The following COL22A1 variants were observed in gnomAD, a reference collection of about 807,000 sequenced individuals.
COL22A1 encodes the protein collagen alpha-1(XXII) chain.
Under a neutral mutation model 248.9 loss-of-function variants are expected in COL22A1, and 221 were observed. The observed-to-expected ratio is 0.89, with a 90% CI of 0.80 to 0.99. COL22A1 has a LOEUF of 0.99. COL22A1 is among the 50% of genes least tolerant of loss of function. The pLI, the probability that COL22A1 is intolerant of heterozygous loss-of-function variation, is 0.00. For missense variants in COL22A1, 2,240 were observed against 2,179.0 expected (o/e 1.03, Z -0.56); for synonymous variants, 891 against 793.4 (o/e 1.12, Z -2.07).
At chr8:138,743,468 ATGATGG>A (rs897064528) in intron 22 of COL22A1, among the ~76,000 whole-genome samples, 17 of 120,576 alleles carry the variant, frequency 1.4e-4, no homozygotes, top group East Asian at 1.3e-3. Context: ...TTTGGTGGTA[ATGATGG>A]TGATGGTGAT....
intron 44 of COL22A1, 24 bp from the exon 45 acceptor site, chr8:138,655,968 C>A (rs777672132): frequency 6.3e-7 from 1 of 1,574,956 alleles, no homozygotes; most frequent in Non-Finnish European, 8.7e-7. Flanking sequence ...AAGAAACAAA[C>A]ACATACGTAC....
At chr8:138,625,360 G>A (rs936428997) in intron 51 of COL22A1, among the ~76,000 whole-genome samples, 2 of 152,098 alleles carry the variant, frequency 1.3e-5, no homozygotes, top group Non-Finnish European at 2.9e-5. Context: ...AACAAAAGAA[G>A]GCACAGTGGA....
At chr8:138,805,123 G>A (rs1246433146) in intron 10 of COL22A1, among the ~76,000 whole-genome samples, 1 of 128,926 alleles carries the variant, frequency 7.8e-6, no homozygotes, top group African/African-American at 3.5e-5. Flanking sequence ...GATGGTGTAT[G>A]TATGTGTGAT....
At chr8:138,816,785 G>A (rs1818719365) in intron 7 of COL22A1, among the ~76,000 whole-genome samples, 1 of 152,180 alleles carries the variant, frequency 6.6e-6, no homozygotes, top group African/African-American at 2.4e-5. Context: ...GTGGCTACAA[G>A]TACCACAGCT....
intron 3 of COL22A1, among the ~76,000 whole-genome samples, chr8:138,865,179 G>T (rs1036388955): frequency 3.9e-5 from 6 of 152,180 alleles, no homozygotes; most frequent in African/African-American, 1.4e-4. Flanking sequence ...AGTTTTAACA[G>T]AGTTTTTTTT....
At chr8:138,829,895 A>C (rs1283957165) in intron 5 of COL22A1, among the ~76,000 whole-genome samples, 1 of 152,014 alleles carries the variant, frequency 6.6e-6, no homozygotes, top group Non-Finnish European at 1.5e-5. Context: ...GATTATAATA[A>C]CTTTTGCTTA....
Position 138,594,040 on chromosome 8 carries a change from G to T in COL22A1, c.4592C>A (p.Pro1531His). ...ACCTTTGGGACCTATGGGTCCAGAG[G>T]GTCCTTCCAGACCCCCCTGCCCAGG... Reference protein sequence around the residue: ...GRPGQGGLEGPSGPIGPKGER... With the variant: ...GRPGQGGLEGHSGPIGPKGER... Residue 1531 changes from proline to histidine, a missense_variant, in exon 63 of 65, where the codon CCC (proline) becomes CAC (histidine). By Grantham distance (77) the Pro-to-His change is moderately conservative. Transcript: ENST00000303045. 6.3e-7 allele frequency: 1 copy of T among 1,585,232 alleles called. No individual in the cohort carries two copies. The highest frequency in any genetic ancestry group is 8.5e-7 in the Non-Finnish European group (1 of 1,170,628).
intron 55 of COL22A1, among the ~76,000 whole-genome samples, chr8:138,614,502 AG>A (rs1819150433): frequency 6.6e-6 from 1 of 152,344 alleles, no homozygotes; most frequent in Non-Finnish European, 1.5e-5. Context: ...TTAAAATAAA[AG>A]TCAAATGGCT....
intron 41 of COL22A1, among the ~76,000 whole-genome samples, chr8:138,664,315 G>A (rs73449681): frequency 0.083 from 12,481 of 150,454 alleles, 728 homozygotes; most frequent in African/African-American, 0.16. Flanking sequence ...TCTTTGCCAA[G>A]ACAAAATTTG....
intron 56 of COL22A1, among the ~76,000 whole-genome samples, chr8:138,613,118 G>T (rs1016374991): frequency 6.7e-6 from 1 of 148,992 alleles, no homozygotes; most frequent in African/African-American, 2.5e-5. Context: ...CGTGGTGGTG[G>T]GCACCTGTAG....
Position 138,833,150 on chromosome 8 carries a change from C to G in COL22A1, c.734G>C (p.Gly245Ala). Residue 245 changes from glycine (G) to alanine (A), a missense_variant and splice_region_variant, in exon 5 of 65, where the codon GGT becomes GCT. Physicochemically the swap from Gly to Ala is moderately conservative, Grantham distance 60. Transcript: ENST00000303045. The stretch of plus-strand genomic sequence containing the variant: ...ACTGAACAAATCCATCAGGTCAAAA[C>G]CTGTACAAAGAGAAGAGCTGGGAGT... ...HTNGGTKEITGFDLMDLFSVK... is the reference protein window; with the variant it reads ...HTNGGTKEITAFDLMDLFSVK... 1.2e-6 allele frequency: 2 copies of G among 1,603,750 alleles called. No individual in the cohort carries two copies. Among genetic ancestry groups the G allele is most frequent in the African/African-American group, 1.3e-5 (1 of 74,868 alleles).
chr8:138,840,153 A>G (rs1052350484), intron 4 of COL22A1, among the ~76,000 whole-genome samples: 1 of 152,148 alleles, frequency 6.6e-6, no homozygotes, highest in African/African-American at 2.4e-5. Context: ...AGCTGTCCCT[A>G]TTACCCAATG....
intron 3 of COL22A1, among the ~76,000 whole-genome samples, chr8:138,867,618 A>G (rs1244970037): frequency 6.6e-6 from 1 of 152,184 alleles, no homozygotes. Context: ...CCCCGCTGAC[A>G]TGAGACCACA....
intron 45 of COL22A1, among the ~76,000 whole-genome samples, chr8:138,652,470 A>T (rs1212287759): frequency 6.6e-6 from 1 of 152,178 alleles, no homozygotes; most frequent in Non-Finnish European, 1.5e-5. Flanking sequence ...TGCAGATCAG[A>T]TGACCGTGAT....
chr8:138,596,825 C>T, intron 62 of COL22A1, 79 bp downstream of exon 62: 1 of 1,340,958 alleles, frequency 7.5e-7, no homozygotes, highest in Non-Finnish European at 1.1e-6. Context: ...TTCCAGGATG[C>T]AAAAGCATTC....
chr8:138,865,966 A>AGTATATGTGTGTGTGT (rs1402648307), intron 3 of COL22A1, among the ~76,000 whole-genome samples: 1 of 146,232 alleles, frequency 6.8e-6, no homozygotes, highest in Non-Finnish European at 1.5e-5. Context: ...CCTGTGTGTG[A>AGTATATGTGTGTGTGT]GTATATGTGT....
intron 23 of COL22A1, among the ~76,000 whole-genome samples, chr8:138,729,661 G>T (rs989780887): frequency 2.0e-5 from 3 of 152,184 alleles, no homozygotes; most frequent in Admixed American, 6.5e-5. Context: ...ATTTACAGGG[G>T]ACGTGCTCAC....
intron 12 of COL22A1, among the ~76,000 whole-genome samples, chr8:138,786,806 A>AGGCAGGAGAATTGCTTG (rs1815566201): frequency 6.6e-6 from 1 of 152,172 alleles, no homozygotes; most frequent in Non-Finnish European, 1.5e-5. Flanking sequence ...TGGGAGGCTG[A>AGGCAGGAGAATTGCTTG]GGCAGGAGAA....
At chr8:138,741,743 GC>G (rs1341949816) in intron 22 of COL22A1, among the ~76,000 whole-genome samples, 12 of 152,194 alleles carry the variant, frequency 7.9e-5, no homozygotes, top group African/African-American at 2.9e-4. Flanking sequence ...ACCTAGCAGT[GC>G]CACAGAGTTT....
Sources: gnomAD v4.1 joint callset for allele counts (sites outside exome capture counted in the v4.1 genomes callset) on GRCh38, gnomAD v4.1.1 for gene constraint, MANE v1.5 for transcripts, NCBI Gene and HGNC (gene_info 2026-07-23, HGNC 2026-07-21) for gene names.